The following ABCB1 variants were observed in gnomAD, a reference collection of about 807,000 sequenced individuals.
ABCB1 encodes the protein ATP binding cassette subfamily B member 1, also known as ATP-dependent translocase ABCB1.
A neutral mutation model predicts 142.0 loss-of-function variants in ABCB1; 69 were observed. The ratio of observed to expected loss-of-function variants is 0.49; its 90% CI spans 0.40 to 0.59. ABCB1 has a LOEUF of 0.59. Ranked by LOEUF, ABCB1 falls within the 20% of genes least tolerant of loss-of-function variation. ABCB1 has a pLI of 0.00. For synonymous variants in ABCB1, 532 were observed against 539.2 expected (o/e 0.99, Z 0.18); for missense variants, 1,326 against 1,554.7 (o/e 0.85, Z 2.47).
At position 87,561,363 on chromosome 7, in the gene ABCB1, C is replaced by T; in HGVS notation, c.727G>A (p.Glu243Lys). ...CCAGCTTTTGCATACGCTAAGAGTTCTTTATCAGTAAATGAAGATAGTATC... is the reference window on the plus strand; with the variant it reads ...CCAGCTTTTGCATACGCTAAGAGTTTTTTATCAGTAAATGAAGATAGTATC... Reference protein sequence around the residue: ...AKILSSFTDKELLAYAKAGAV... With the variant: ...AKILSSFTDKKLLAYAKAGAV... Residue 243 changes from glutamate to lysine, a missense_variant, in exon 8 of 28, where the codon GAA becomes AAA. Glu to Lys is a moderately conservative substitution (Grantham distance 56). Coordinates refer to ENST00000622132, the MANE Select transcript of ABCB1 (RefSeq NM_001348946.2). 1 of 1,613,396 alleles carries T rather than the reference C, an allele frequency of 6.2e-7. No individual in the cohort carries two copies. Among genetic ancestry groups the T allele is most frequent in the African/African-American group, 1.3e-5 (1 of 74,992 alleles).
At chr7:87,641,391 A>G (rs1289898349) in intron 1 of ABCB1, among the ~76,000 whole-genome samples, 2 of 152,168 alleles carry the variant, frequency 1.3e-5, no homozygotes, top group South Asian at 4.1e-4. Flanking sequence ...CTTTCATCCA[A>G]TCAGGGACTG....
chr7:87,521,178 C>G, intron 21 of ABCB1: 1 of 411,684 alleles, frequency 2.4e-6, no homozygotes, highest in Non-Finnish European at 4.5e-6. Flanking sequence ...AGAGAACTCA[C>G]AGTACTTCTA....
At chr7:87,689,800 C>T (rs1375317254) in intron 1 of ABCB1, among the ~76,000 whole-genome samples, 6 of 152,028 alleles carry the variant, frequency 3.9e-5, no homozygotes, top group African/African-American at 1.2e-4. Flanking sequence ...TGAACAATAT[C>T]GCTGCAAGCT....
intron 1 of ABCB1, among the ~76,000 whole-genome samples, chr7:87,644,763 G>A (rs1822812414): frequency 6.7e-6 from 1 of 149,210 alleles, no homozygotes; most frequent in Admixed American, 6.7e-5. Context: ...GTGTATATAT[G>A]GATATATATA....
chr7:87,626,100 T>TATTGTCATATATATGTGTCATATATA, intron 1 of ABCB1, among the ~76,000 whole-genome samples: 1 of 90,890 alleles, frequency 1.1e-5, no homozygotes, highest in Non-Finnish European at 2.0e-5. Flanking sequence ...ATATATATAT[T>TATTGTCATATATATGTGTCATATATA]GTCATATATA....
At chr7:87,589,230 T>A (rs1192650198) in intron 3 of ABCB1, among the ~76,000 whole-genome samples, 1 of 152,160 alleles carries the variant, frequency 6.6e-6, no homozygotes, top group Non-Finnish European at 1.5e-5. Flanking sequence ...AGTTTCTGAA[T>A]TTACAAAATG....
In ABCB1 at chr7:87,515,319, G is replaced by T; in HGVS notation, c.3194C>A (p.Thr1065Lys). The change falls in exon 25 of 28, where the codon ACG becomes AAG. Residue 1065 changes from threonine (T) to lysine (K), a missense_variant. Physicochemically the swap from Thr to Lys is moderately conservative, Grantham distance 78. Coordinates refer to ENST00000622132, the MANE Select transcript of ABCB1 (RefSeq NM_001348946.2). ...GCCACTGCTGCCCACCAGAGCCAGC[G>T]TCTGGCCCTTCTTCACCTCCAGGCT... ...GLSLEVKKGQTLALVGSSGCG... is the reference protein window; with the variant it reads ...GLSLEVKKGQKLALVGSSGCG... 6.2e-7 allele frequency: 1 copy of T among 1,614,188 alleles called. No individual in the cohort carries two copies. The highest frequency in any genetic ancestry group is 8.5e-7 in the Non-Finnish European group (1 of 1,180,024).
At chr7:87,656,247 T>A (rs1824088503) in intron 1 of ABCB1, among the ~76,000 whole-genome samples, 1 of 152,042 alleles carries the variant, frequency 6.6e-6, no homozygotes, top group Admixed American at 6.6e-5. Context: ...TTTGTATTTG[T>A]CAATTTAAAA....
chr7:87,678,998 A>G (rs1826646214), intron 1 of ABCB1, among the ~76,000 whole-genome samples: 1 of 152,072 alleles, frequency 6.6e-6, no homozygotes, highest in African/African-American at 2.4e-5. Flanking sequence ...CTCCTCTCAT[A>G]ATAGTAGATC....
intron 1 of ABCB1, among the ~76,000 whole-genome samples, chr7:87,608,704 G>A (rs1819747153): frequency 6.6e-6 from 1 of 152,012 alleles, no homozygotes; most frequent in South Asian, 2.1e-4. Flanking sequence ...CTTTGAACTT[G>A]TTTAATCTCA....
At chr7:87,547,317 G>C (rs889510990) in intron 14 of ABCB1, among the ~76,000 whole-genome samples, 2 of 152,040 alleles carry the variant, frequency 1.3e-5, no homozygotes, top group African/African-American at 4.8e-5. Context: ...AAGAAAAAAG[G>C]GGTATGTGGA....
intron 1 of ABCB1, among the ~76,000 whole-genome samples, chr7:87,623,131 A>G (rs1483688569): frequency 6.6e-6 from 1 of 152,172 alleles, no homozygotes; most frequent in African/African-American, 2.4e-5. Flanking sequence ...GTGACTTTCT[A>G]TATGTTACTT....
intron 21 of ABCB1, chr7:87,522,435 T>A (rs1291323465): frequency 3.2e-6 from 2 of 620,040 alleles, no homozygotes. Flanking sequence ...AGGAAACAAA[T>A]CTTAGCAGGA....
At chr7:87,542,074 A>T (rs1816563840) in intron 17 of ABCB1, among the ~76,000 whole-genome samples, 1 of 152,304 alleles carries the variant, frequency 6.6e-6, no homozygotes. Flanking sequence ...GAGGATAACC[A>T]TTCCTCAGGG....
chr7:87,581,877 G>A (rs1029430355), intron 4 of ABCB1, among the ~76,000 whole-genome samples: 10 of 152,164 alleles, frequency 6.6e-5, no homozygotes, highest in Non-Finnish European at 1.3e-4. Context: ...GTTCTGCCTA[G>A]GGAAGGGCAA....
rs536660865 is a variant in ABCB1 at position 87,701,882 on chromosome 7, G to A, written c.-331+11279C>T. ...ATACTGGCCGGGCGCGGTGGCTCACGCCTGTAATCCCAGCACTTTGGGAGG... is the reference window on the plus strand; with the variant it reads ...ATACTGGCCGGGCGCGGTGGCTCACACCTGTAATCCCAGCACTTTGGGAGG... On this transcript the variant is annotated intron_variant, in intron 1 of 28. Coordinates refer to the ABCB1 transcript ENST00000265724. Among the ~76,000 whole-genome samples, 15 of 152,104 alleles carry A rather than the reference G, an allele frequency of 9.9e-5. 1 individual carries two copies. In the East Asian group the frequency reaches 1.9e-3, roughly 20 times the overall value.
At chr7:87,563,550 G>A (rs1007743940) in intron 7 of ABCB1, among the ~76,000 whole-genome samples, 2 of 152,052 alleles carry the variant, frequency 1.3e-5, no homozygotes, top group Admixed American at 6.5e-5. Context: ...ATAAACAAAA[G>A]CACTTGCTTA....
At chr7:87,569,880 T>C (rs1584889757) in intron 5 of ABCB1, among the ~76,000 whole-genome samples, 1 of 152,188 alleles carries the variant, frequency 6.6e-6, no homozygotes, top group Non-Finnish European at 1.5e-5. Context: ...ATAATGATTC[T>C]TAATTCAACT....
chr7:87,505,776 A>G, intron 27 of ABCB1, 121 bp downstream of exon 27: 1 of 1,217,726 alleles, frequency 8.2e-7, no homozygotes. Context: ...TTTACATTTT[A>G]CTGAAAGGTG....
Sources: allele counts gnomAD v4.1 joint callset (sites outside exome capture counted in the v4.1 genomes callset), GRCh38; gene constraint gnomAD v4.1.1; transcripts MANE v1.5; gene names NCBI Gene and HGNC (gene_info 2026-07-23, HGNC 2026-07-21).